IKBKB-DT: variants seen among roughly 807,000 people sequenced by gnomAD.
IKBKB-DT encodes IKBKB antisense RNA.
At chr8:42,253,477 T>G (rs1230349923) in intron 3 of IKBKB-DT, among the ~76,000 whole-genome samples, 1 of 152,226 alleles carries the variant, frequency 6.6e-6, no homozygotes, top group East Asian at 1.9e-4. Context: ...CAGTTTGTTC[T>G]TAGTGATTCC....
intron 3 of IKBKB-DT, among the ~76,000 whole-genome samples, chr8:42,251,242 A>G (rs1367215253): frequency 1.3e-5 from 2 of 152,268 alleles, no homozygotes; most frequent in African/African-American, 4.8e-5. Flanking sequence ...TGGCGAGAGC[A>G]CACTTGAACA....
rs1379061135 is a variant in IKBKB-DT at position 42,269,269 on chromosome 8, G to T, written n.603+1382C>A. 2.7e-5 allele frequency among the ~76,000 whole-genome samples: 4 copies of T among 149,944 alleles called. No homozygotes were observed. The South Asian group carries it at 8.5e-4, about 32-fold the overall frequency. ...CAGGAGGTCAAGACTGCAGTGAGCC[G>T]TGATCCTGCCACTATACTCCAAAGT... On this transcript the variant is annotated intron_variant and non_coding_transcript_variant, in intron 1 of 3. Transcript: ENST00000518213.
intron 2 of IKBKB-DT, among the ~76,000 whole-genome samples, chr8:42,264,301 C>T (rs1395284072): frequency 3.3e-5 from 5 of 151,630 alleles, no homozygotes; most frequent in Admixed American, 3.3e-4. Context: ...GGACTACAGG[C>T]ACGACACCAC....
At chr8:42,244,009 T>A (rs1017451628) in intron 3 of IKBKB-DT, among the ~76,000 whole-genome samples, 1 of 152,218 alleles carries the variant, frequency 6.6e-6, no homozygotes, top group Admixed American at 6.6e-5. Context: ...TCCAAGCCTG[T>A]ATGCCCGATT....
rs1807068843 is a variant in IKBKB-DT, at chr8:42,246,720, C to A, written n.1530-12861G>T. Among the ~76,000 whole-genome samples, 2 of 152,196 alleles carry A rather than the reference C, an allele frequency of 1.3e-5. 1 individual carries two copies. Among genetic ancestry groups the A allele is most frequent in the African/African-American group, 4.8e-5 (2 of 41,450 alleles). On this transcript the variant is annotated intron_variant and non_coding_transcript_variant, in intron 3 of 3. Transcript: ENST00000518213. ...AGCAGCTTTTCTACCCTTTGACTAT[C>A]CCTACATGGCAATTTCAAGTTTTCT...
intron 3 of IKBKB-DT, chr8:42,248,994 C>T (rs888488627): frequency 5.3e-5 from 8 of 152,038 alleles, no homozygotes; most frequent in African/African-American, 1.9e-4. Context: ...CATTCTTTTA[C>T]ACTGGTTCAT....
At chr8:42,249,060 CTTTCACAGAACGAGATTTT>C (rs1423756827) in intron 3 of IKBKB-DT, 3 of 152,072 alleles carry the variant, frequency 2.0e-5, no homozygotes, top group Non-Finnish European at 4.4e-5. Context: ...TTAAACATTT[CTTTCACAGAACGAGATTTT>C]TTTATTGGGC....
At position 42,262,229 on chromosome 8, in the gene IKBKB-DT, G is replaced by A. The variant is rs13268293; in HGVS notation, n.1529+1100C>T. Among the ~76,000 whole-genome samples, 7 of 151,176 alleles carry A rather than the reference G, an allele frequency of 4.6e-5. No homozygotes were observed. The East Asian group carries it at 5.8e-4, about 13-fold the overall frequency. ...GCGCACCAGCATGGCACATGTATAC[G>A]TATGTAACTAACCTGCACAATGTGC... On this transcript the variant is annotated intron_variant and non_coding_transcript_variant, in intron 3 of 3. Transcript: ENST00000518213.
exon 1 of IKBKB-DT, chr8:42,271,190 G>C (rs1384325114): frequency 2.1e-5 from 13 of 610,572 alleles, no homozygotes; most frequent in African/African-American, 3.8e-5. Flanking sequence ...CCGCCCCGGG[G>C]GAGTCGCCCG....
intron 3 of IKBKB-DT, among the ~76,000 whole-genome samples, chr8:42,248,677 G>A (rs1020285040): frequency 2.0e-5 from 3 of 151,656 alleles, no homozygotes; most frequent in African/African-American, 7.3e-5. Flanking sequence ...TCAGGAGTTC[G>A]AGGCCAGCCT....
chr8:42,234,689 G>A (rs1390645158), intron 3 of IKBKB-DT, among the ~76,000 whole-genome samples: 3 of 151,918 alleles, frequency 2.0e-5, no homozygotes, highest in African/African-American at 7.3e-5. Context: ...GAGTGCAGTG[G>A]TGCAATCTTG....
chr8:42,271,239 C>G, exon 1 of IKBKB-DT: 1 of 672,694 alleles, frequency 1.5e-6, no homozygotes, highest in South Asian at 1.6e-5. Context: ...TCGCAGCATC[C>G]GGACCTGGTC....
At chr8:42,267,823 T>C (rs1807395067) in intron 1 of IKBKB-DT, among the ~76,000 whole-genome samples, 1 of 152,142 alleles carries the variant, frequency 6.6e-6, no homozygotes, top group African/African-American at 2.4e-5. Context: ...AATAAATATC[T>C]TGGAATATGA....
exon 2 of IKBKB-DT, among the ~76,000 whole-genome samples, chr8:42,265,866 C>CT (rs11375039): frequency 0.21 from 32,319 of 152,138 alleles, 7,997 homozygotes; most frequent in African/African-American, 0.6. Flanking sequence ...GCACAACAGC[C>CT]GGCTGGCCCT....
At chr8:42,246,770 T>C (rs1271459976) in intron 3 of IKBKB-DT, among the ~76,000 whole-genome samples, 1 of 152,212 alleles carries the variant, frequency 6.6e-6, no homozygotes, top group Non-Finnish European at 1.5e-5. Context: ...TGGTTTCTTA[T>C]AGCAGCAGTC....
intron 3 of IKBKB-DT, among the ~76,000 whole-genome samples, chr8:42,245,250 T>A (rs1168996731): frequency 6.6e-6 from 1 of 152,146 alleles, no homozygotes; most frequent in Non-Finnish European, 1.5e-5. Context: ...CAAGACTCCA[T>A]CTCAAAAATA....
intron 3 of IKBKB-DT, among the ~76,000 whole-genome samples, chr8:42,246,258 G>C (rs915167022): frequency 6.6e-6 from 1 of 152,066 alleles, no homozygotes; most frequent in Non-Finnish European, 1.5e-5. Flanking sequence ...AAACTCCTGA[G>C]CTCAAGCGAT....
intron 3 of IKBKB-DT, among the ~76,000 whole-genome samples, chr8:42,257,949 T>G (rs1293881225): frequency 6.6e-6 from 1 of 151,710 alleles, no homozygotes; most frequent in Non-Finnish European, 1.5e-5. Context: ...TTTTTTAGCT[T>G]AGCTCTTTTA....
intron 3 of IKBKB-DT, among the ~76,000 whole-genome samples, chr8:42,254,593 G>T (rs1378367878): frequency 6.7e-6 from 1 of 148,862 alleles, no homozygotes; most frequent in Non-Finnish European, 1.5e-5. Context: ...TGTCTGGGAA[G>T]TGAGAAGCAC....
Sources: allele counts gnomAD v4.1 joint callset (sites outside exome capture counted in the v4.1 genomes callset), GRCh38; gene constraint gnomAD v4.1.1; transcripts MANE v1.5; gene names NCBI Gene and HGNC (gene_info 2026-07-23, HGNC 2026-07-21).